The following PRKN variants were observed in gnomAD, a reference collection of about 807,000 sequenced individuals.
The protein encoded by PRKN is E3 ubiquitin-protein ligase parkin.
In PRKN, 56 loss-of-function variants were observed where a neutral mutation model predicts 59.5. The ratio of observed to expected loss-of-function variants is 0.94; its 90% confidence interval spans 0.76 to 1.18. The LOEUF is 1.18. PRKN is among the 50% of genes most tolerant of loss of function. The pLI, the probability that PRKN is intolerant of heterozygous loss-of-function variation, is 0.00. For missense variants in PRKN, 657 were observed against 596.4 expected, an observed-to-expected ratio of 1.10 and a Z score of -1.06; for synonymous variants, 250 against 222.1, an observed-to-expected ratio of 1.13 and a Z score of -1.12.
chr6:162,364,251 A>T (rs577286769), intron 2 of PRKN, among the ~76,000 whole-genome samples: 2 of 152,332 alleles, frequency 1.3e-5, no homozygotes, highest in East Asian at 3.9e-4. Flanking sequence ...ATATTTCACC[A>T]ATGCATTGCT....
At chr6:162,214,629 C>T (rs780309917) in intron 3 of PRKN, among the ~76,000 whole-genome samples, 1 of 152,136 alleles carries the variant, frequency 6.6e-6, no homozygotes, top group Non-Finnish European at 1.5e-5. Context: ...TATTTGCAGA[C>T]TTTTATCCAG....
intron 1 of PRKN, among the ~76,000 whole-genome samples, chr6:162,484,788 T>G (rs1473113683): frequency 6.6e-6 from 1 of 152,232 alleles, no homozygotes; most frequent in Non-Finnish European, 1.5e-5. Context: ...CTCATTTGCC[T>G]ATTGGGCATT....
intron 6 of PRKN, among the ~76,000 whole-genome samples, chr6:161,941,715 C>G (rs1239348635): frequency 6.6e-6 from 1 of 152,156 alleles, no homozygotes; most frequent in African/African-American, 2.4e-5. Context: ...GCTCCAACAG[C>G]CCTGTCTGTA....
chr6:161,468,677 C>T lies in PRKN; in HGVS notation c.1083+80177G>A, dbSNP rs1038761634. On this transcript the variant is annotated intron_variant, in intron 9 of 11. Coordinates refer to ENST00000366898, the MANE Select transcript of PRKN (RefSeq NM_004562.3). This position sits in a 1 kb window ranked among gnomAD's most constrained non-coding sequence, Gnocchi z 5.9. ...CATCTCCTGTCCTTGCATCCATGGC[C>T]GGGGAATTACTCTGCTATTTACCAC... Among the ~76,000 whole-genome samples, 10 of 152,118 alleles carry T rather than the reference C, an allele frequency of 6.6e-5. No homozygotes were observed. The highest frequency in any genetic ancestry group is 3.9e-4 in the East Asian group (2 of 5,192).
At chr6:161,818,620 A>C (rs1583203970) in intron 6 of PRKN, among the ~76,000 whole-genome samples, 1 of 152,120 alleles carries the variant, frequency 6.6e-6, no homozygotes, top group South Asian at 2.1e-4. Context: ...GGTGTGAGCC[A>C]CCGTGCCCAG....
At chr6:161,849,630 T>C (rs1793342707) in intron 6 of PRKN, among the ~76,000 whole-genome samples, 1 of 152,174 alleles carries the variant, frequency 6.6e-6, no homozygotes, top group Non-Finnish European at 1.5e-5. Flanking sequence ...GATTTTTCTT[T>C]GTAATGAATG....
intron 5 of PRKN, among the ~76,000 whole-genome samples, chr6:162,038,212 G>A (rs1783921250): frequency 6.6e-6 from 1 of 151,820 alleles, no homozygotes; most frequent in South Asian, 2.1e-4. Context: ...TTACAGTTTG[G>A]TACAAAGTTA....
intron 2 of PRKN, among the ~76,000 whole-genome samples, chr6:162,300,697 G>C (rs1259908329): frequency 6.6e-6 from 1 of 152,078 alleles, no homozygotes; most frequent in Non-Finnish European, 1.5e-5. Flanking sequence ...CCAGGATGTA[G>C]ACAAAAGACC....
chr6:161,376,610 T>C lies in PRKN; in HGVS notation c.1167+10184A>G, dbSNP rs558718962. Reference sequence around the variant, plus strand: ...AGGGGGTGCTCTGCTCTGCTCCCAGTCCCACCACCTTGGGACTGAGGTCAC... The same window carrying C: ...AGGGGGTGCTCTGCTCTGCTCCCAGCCCCACCACCTTGGGACTGAGGTCAC... On this transcript the variant is annotated intron_variant, in intron 10 of 11. Coordinates refer to ENST00000366898, the MANE Select transcript of PRKN (RefSeq NM_004562.3). This position sits in a 1 kb window ranked among gnomAD's most constrained non-coding sequence, Gnocchi z 7.3. Among the ~76,000 whole-genome samples the C allele has an allele frequency of 1.3e-5, 2 of 152,192 alleles. No individual in the cohort carries two copies. The highest frequency in any genetic ancestry group is 4.8e-5 in the African/African-American group (2 of 41,520).
chr6:161,635,814 A>C (rs1012384061), intron 7 of PRKN, among the ~76,000 whole-genome samples: 1 of 152,208 alleles, frequency 6.6e-6, no homozygotes, highest in African/African-American at 2.4e-5. Context: ...TCAGAACTTT[A>C]AGTAACTAAC....
chr6:161,921,139 T>C (rs1778771616), intron 6 of PRKN, among the ~76,000 whole-genome samples: 1 of 150,962 alleles, frequency 6.6e-6, no homozygotes, highest in African/African-American at 2.4e-5. Flanking sequence ...ATGCTTTTTT[T>C]CTGTTTCTAA....
chr6:161,743,435 G>C (rs1267505900), intron 7 of PRKN, among the ~76,000 whole-genome samples: 1 of 142,568 alleles, frequency 7.0e-6, no homozygotes, highest in Non-Finnish European at 1.6e-5. Flanking sequence ...ATTTTTAGTA[G>C]AGATGGGGTT....
intron 5 of PRKN, among the ~76,000 whole-genome samples, chr6:162,019,250 T>C (rs1172270585): frequency 6.6e-6 from 1 of 152,206 alleles, no homozygotes; most frequent in Non-Finnish European, 1.5e-5. Context: ...ATCTTCCTCA[T>C]TCACCTTTCC....
chr6:162,498,849 GC>G (rs1465216571), intron 1 of PRKN, among the ~76,000 whole-genome samples: 1 of 152,126 alleles, frequency 6.6e-6, no homozygotes, highest in Non-Finnish European at 1.5e-5. Flanking sequence ...GCCGTTAACT[GC>G]TGTTTTATTA....
intron 1 of PRKN, among the ~76,000 whole-genome samples, chr6:162,628,902 A>G (rs1782998819): frequency 1.3e-5 from 2 of 152,166 alleles, no homozygotes. Context: ...AAGGTTAATA[A>G]GGTTCCCTAT....
intron 2 of PRKN, among the ~76,000 whole-genome samples, chr6:162,417,100 GGTAAGA>G (rs1422857715): frequency 3.9e-5 from 6 of 152,192 alleles, no homozygotes; most frequent in African/African-American, 1.4e-4. Context: ...AACAACACAG[GGTAAGA>G]GATGCAAACA....
intron 5 of PRKN, among the ~76,000 whole-genome samples, chr6:161,994,328 T>G (rs879889069): frequency 6.6e-6 from 1 of 151,950 alleles, no homozygotes; most frequent in Non-Finnish European, 1.5e-5. Flanking sequence ...TCAACATTCC[T>G]TCATGATAAA....
chr6:162,218,913 C>A (rs1777815178), intron 3 of PRKN, among the ~76,000 whole-genome samples: 1 of 152,194 alleles, frequency 6.6e-6, no homozygotes, highest in Non-Finnish European at 1.5e-5. Flanking sequence ...GTGGCTCACA[C>A]CTGTGATCCC....
chr6:162,172,857 TCAGAGGCAGATAAGCA>T (rs1783353157), intron 4 of PRKN, among the ~76,000 whole-genome samples: 1 of 151,884 alleles, frequency 6.6e-6, no homozygotes, highest in African/African-American at 2.4e-5. Context: ...ATCTAACCCA[TCAGAGGCAGATAAGCA>T]CAGAGTCCAA....
Sources: allele counts gnomAD v4.1 joint callset (sites outside exome capture counted in the v4.1 genomes callset), GRCh38; gene constraint gnomAD v4.1.1; non-coding constraint Gnocchi (gnomAD v3.1); transcripts MANE v1.5; gene names NCBI Gene and HGNC (gene_info 2026-07-23, HGNC 2026-07-21).